Variants in TRPC4 observed in about 807,000 individuals in gnomAD.
TRPC4 encodes transient receptor potential cation channel subfamily C member 4.
TRPC4 carries 49 observed loss-of-function variants against 99.4 expected under a neutral mutation model. The observed-to-expected ratio is 0.49, with a 90% CI of 0.39 to 0.63. TRPC4 has a LOEUF of 0.63. Ranked by LOEUF, TRPC4 falls within the 20% of genes least tolerant of loss-of-function variation. The pLI, the probability that TRPC4 is intolerant of heterozygous loss-of-function variation, is 0.00. For synonymous variants in TRPC4, 454 were observed against 425.9 expected (o/e 1.07, Z -0.81); for missense variants, 898 against 1,152.9 (o/e 0.78, Z 3.20).
chr13:37,776,731 A>T (rs1956716434), intron 2 of TRPC4, among the ~76,000 whole-genome samples: 1 of 152,098 alleles, frequency 6.6e-6, no homozygotes, highest in East Asian at 1.9e-4. Flanking sequence ...GCGATTGCAG[A>T]CTTGTTCCAA....
At chr13:37,784,434 G>A (rs558996035) in intron 1 of TRPC4, among the ~76,000 whole-genome samples, 19 of 152,086 alleles carry the variant, frequency 1.2e-4, no homozygotes, top group Admixed American at 7.9e-4. Context: ...ATCTGGTATC[G>A]TCCTAGTGAT....
intron 2 of TRPC4, among the ~76,000 whole-genome samples, chr13:37,749,436 T>C (rs1394524380): frequency 1.3e-5 from 2 of 152,136 alleles, no homozygotes; most frequent in Non-Finnish European, 1.5e-5. Flanking sequence ...CATAGATTGT[T>C]AGACATCAGG....
At chr13:37,786,236 TAAATA>T (rs1488030347) in intron 1 of TRPC4, among the ~76,000 whole-genome samples, 1 of 147,178 alleles carries the variant, frequency 6.8e-6, no homozygotes, top group Non-Finnish European at 1.5e-5. Context: ...ATAGATTTAA[TAAATA>T]AAATTTAAAT....
intron 2 of TRPC4, among the ~76,000 whole-genome samples, chr13:37,761,789 A>G (rs1566151270): frequency 6.6e-6 from 1 of 151,850 alleles, no homozygotes; most frequent in Non-Finnish European, 1.5e-5. Flanking sequence ...CCTCACATAA[A>G]CACAGTCCCA....
chr13:37,681,355 T>C (rs1055289194), intron 4 of TRPC4, among the ~76,000 whole-genome samples: 1 of 152,144 alleles, frequency 6.6e-6, no homozygotes, highest in African/African-American at 2.4e-5. Flanking sequence ...ACAGAGATCC[T>C]GATAAAACTG....
At chr13:37,739,503 G>GT (rs1237729839) in intron 3 of TRPC4, among the ~76,000 whole-genome samples, 5 of 117,168 alleles carry the variant, frequency 4.3e-5, no homozygotes, top group African/African-American at 1.8e-4. Flanking sequence ...CAAAGCATGA[G>GT]ATTTTTTTTT....
chr13:37,684,035 A>T (rs1424256776), intron 4 of TRPC4, among the ~76,000 whole-genome samples: 1 of 152,234 alleles, frequency 6.6e-6, no homozygotes, highest in African/African-American at 2.4e-5. Flanking sequence ...TCATGTCTAG[A>T]TTCAAATATG....
intron 4 of TRPC4, among the ~76,000 whole-genome samples, chr13:37,686,606 A>G (rs1382935170): frequency 1.3e-5 from 2 of 152,174 alleles, no homozygotes; most frequent in Non-Finnish European, 2.9e-5. Flanking sequence ...TTTAAAACAT[A>G]AAAATGTAAA....
At chr13:37,787,631 T>G (rs1184291811) in intron 1 of TRPC4, among the ~76,000 whole-genome samples, 1 of 152,052 alleles carries the variant, frequency 6.6e-6, no homozygotes, top group Non-Finnish European at 1.5e-5. Flanking sequence ...AGTCAAAAAT[T>G]AACATGAATT....
At chr13:37,858,431 C>A (rs1443229223) in intron 1 of TRPC4, among the ~76,000 whole-genome samples, 1 of 151,446 alleles carries the variant, frequency 6.6e-6, no homozygotes, top group Non-Finnish European at 1.5e-5. Context: ...AGGGTATATA[C>A]CCAAAATAAA....
chr13:37,673,614 C>T (rs927055842), intron 5 of TRPC4, among the ~76,000 whole-genome samples: 6 of 151,966 alleles, frequency 3.9e-5, no homozygotes, highest in South Asian at 2.1e-4. Flanking sequence ...AAAATAATCC[C>T]AATTGTCATG....
intron 5 of TRPC4, among the ~76,000 whole-genome samples, chr13:37,665,433 T>C (rs919005489): frequency 1.3e-5 from 2 of 152,232 alleles, no homozygotes; most frequent in Non-Finnish European, 1.5e-5. Flanking sequence ...GTATTCTTAA[T>C]AATGCAATCA....
At position 37,634,407 on chromosome 13, in the gene TRPC4, T is replaced by C. The variant is rs1951459358; in HGVS notation, c.*2496A>G. Among the ~76,000 whole-genome samples, 1 of 152,048 alleles carries C rather than the reference T, an allele frequency of 6.6e-6. No individual in the cohort carries two copies. Among genetic ancestry groups the C allele is most frequent in the East Asian group, 1.9e-4 (1 of 5,194 alleles). ...ATAATATCCAGCACTTTGTTCATAC[T>C]CATAAACACATCTGTCAGCAACATC... On this transcript the variant is annotated 3_prime_UTR_variant, in exon 11 of 11. Coordinates refer to ENST00000379705, the MANE Select transcript of TRPC4 (RefSeq NM_016179.4).
intron 1 of TRPC4, among the ~76,000 whole-genome samples, chr13:37,838,704 T>C (rs545963476): frequency 4.6e-5 from 7 of 152,198 alleles, no homozygotes; most frequent in Admixed American, 3.3e-4. Flanking sequence ...ATATACACAA[T>C]ATTCACTTCT....
At chr13:37,700,072 A>C (rs1434531764) in intron 3 of TRPC4, among the ~76,000 whole-genome samples, 2 of 152,134 alleles carry the variant, frequency 1.3e-5, no homozygotes, top group East Asian at 3.8e-4. Context: ...GAAAATCACA[A>C]AGGGTAGCAG....
intron 2 of TRPC4, among the ~76,000 whole-genome samples, chr13:37,752,205 G>A (rs1955953845): frequency 6.7e-6 from 1 of 150,280 alleles, no homozygotes; most frequent in Non-Finnish European, 1.5e-5. Flanking sequence ...ACAAGAATAC[G>A]GTACTGTGCA....
In TRPC4 at chr13:37,660,333, A is replaced by C. The variant is rs148625897; in HGVS notation, c.1688+3083T>G. On this transcript the variant is annotated intron_variant, in intron 6 of 10. Transcript: ENST00000379705. ...AAATGAAGCAGACACATTAAGTAAAATGTGAGCAGATAAATATCCATAGTT... is the reference window on the plus strand; with the variant it reads ...AAATGAAGCAGACACATTAAGTAAACTGTGAGCAGATAAATATCCATAGTT... 6.3e-3 allele frequency among the ~76,000 whole-genome samples: 959 copies of C among 152,326 alleles called. 4 individuals are homozygous for C. Among genetic ancestry groups the C allele is most frequent in the Middle Eastern group, 0.037 (11 of 294 alleles).
chr13:37,674,423 G>A, intron 4 of TRPC4, 56 bp from the exon 5 acceptor site: 3 of 1,548,052 alleles, frequency 1.9e-6, no homozygotes, highest in African/African-American at 1.4e-5. Context: ...CACTAAAAAA[G>A]CAATATACAA....
chr13:37,829,934 G>C (rs956245851), intron 1 of TRPC4, among the ~76,000 whole-genome samples: 1 of 152,132 alleles, frequency 6.6e-6, no homozygotes. Context: ...ACACAAAATA[G>C]GTAAATCCAT....
Sources: gnomAD v4.1 joint callset for allele counts (sites outside exome capture counted in the v4.1 genomes callset) on GRCh38, gnomAD v4.1.1 for gene constraint, MANE v1.5 for transcripts, NCBI Gene and HGNC (gene_info 2026-07-23, HGNC 2026-07-21) for gene names.